Variants in TMEM132D observed in about 807,000 individuals in gnomAD.
TMEM132D encodes the protein mature OL transmembrane protein.
Under a neutral mutation model 62.3 loss-of-function variants are expected in TMEM132D, and 21 were observed. That is an observed-to-expected ratio of 0.34 (90% CI 0.24 to 0.49). The LOEUF (loss-of-function observed/expected upper bound fraction) is 0.49. Among genes scored for constraint, TMEM132D ranks in the 20% least tolerant of loss-of-function variants. The probability of loss-of-function intolerance (pLI) is 0.99; values close to 1 mark genes in which losing one functional copy is unlikely to be tolerated. For missense variants in TMEM132D, 1,346 were observed against 1,402.8 expected (o/e 0.96, Z 0.65); for synonymous variants, 621 against 575.6 (o/e 1.08, Z -1.13).
intron 3 of TMEM132D, among the ~76,000 whole-genome samples, chr12:129,504,573 C>A (rs369833982): frequency 2.0e-5 from 3 of 152,112 alleles, no homozygotes; most frequent in East Asian, 1.9e-4. Flanking sequence ...GTTGTAATAT[C>A]CTCTGTTTCA....
At chr12:129,451,913 T>C (rs898004100) in intron 3 of TMEM132D, among the ~76,000 whole-genome samples, 3 of 152,142 alleles carry the variant, frequency 2.0e-5, no homozygotes, top group Admixed American at 2.0e-4. Context: ...CCTGGGAGCA[T>C]TGCTACCTCT....
chr12:129,675,337 G>A (rs1397472797), intron 2 of TMEM132D, among the ~76,000 whole-genome samples: 4 of 148,826 alleles, frequency 2.7e-5, no homozygotes, highest in Non-Finnish European at 5.9e-5. Flanking sequence ...AACACATGGA[G>A]ACAGATTGGG....
chr12:129,584,930 T>G lies in TMEM132D; in HGVS notation c.969-53725A>C, dbSNP rs755739900. On this transcript the variant is annotated intron_variant, in intron 2 of 8. Coordinates refer to ENST00000422113, the MANE Select transcript of TMEM132D (RefSeq NM_133448.3). ...TGGGGACAGAGCCAGCATGGGGTGTTGCATGTGGAGTCTGCTTTAAATCTG... is the reference window on the plus strand; with the variant it reads ...TGGGGACAGAGCCAGCATGGGGTGTGGCATGTGGAGTCTGCTTTAAATCTG... Among the ~76,000 whole-genome samples, 21 of 152,306 alleles carry G rather than the reference T, an allele frequency of 1.4e-4. No homozygotes were observed. In the Middle Eastern group the frequency reaches 0.01, roughly 74 times the overall value.
At chr12:129,890,796 T>C (rs530888763) in intron 1 of TMEM132D, among the ~76,000 whole-genome samples, 3 of 152,214 alleles carry the variant, frequency 2.0e-5, no homozygotes, top group Non-Finnish European at 4.4e-5. Flanking sequence ...GAGTGTATCA[T>C]ATTACGTTTA....
chr12:129,178,762 C>T (rs1239011648), intron 5 of TMEM132D, among the ~76,000 whole-genome samples: 1 of 152,108 alleles, frequency 6.6e-6, no homozygotes, highest in Non-Finnish European at 1.5e-5. Flanking sequence ...TCCTCCATGC[C>T]TATGTATACA....
At chr12:129,545,920 G>T (rs534869612) in intron 2 of TMEM132D, among the ~76,000 whole-genome samples, 1 of 152,284 alleles carries the variant, frequency 6.6e-6, no homozygotes, top group Admixed American at 6.5e-5. Context: ...CCAGGAATAT[G>T]AGGAGGAACA....
chr12:129,463,713 G>C (rs1873770099), intron 3 of TMEM132D, among the ~76,000 whole-genome samples: 1 of 151,636 alleles, frequency 6.6e-6, no homozygotes, highest in African/African-American at 2.4e-5. Context: ...CTATGAGTGA[G>C]AACATGCGGT....
chr12:129,485,999 C>G (rs1874567797), intron 3 of TMEM132D, among the ~76,000 whole-genome samples: 1 of 152,246 alleles, frequency 6.6e-6, no homozygotes, highest in African/African-American at 2.4e-5. Flanking sequence ...TGATGTCCAA[C>G]AGCGAGAGCT....
chr12:129,636,640 G>C (rs1167004119), intron 2 of TMEM132D, among the ~76,000 whole-genome samples: 1 of 150,766 alleles, frequency 6.6e-6, no homozygotes, highest in African/African-American at 2.4e-5. Flanking sequence ...CTAAATTCCT[G>C]TGATTTGGTT....
intron 2 of TMEM132D, among the ~76,000 whole-genome samples, chr12:129,588,630 A>G (rs1392579434): frequency 3.3e-5 from 5 of 151,802 alleles, no homozygotes; most frequent in Admixed American, 2.0e-4. Context: ...GCTGGAGTGC[A>G]GTGGCGCCAT....
At chr12:129,527,283 T>C (rs150233456) in intron 3 of TMEM132D, among the ~76,000 whole-genome samples, 3,065 of 152,302 alleles carry the variant, frequency 0.02, 124 homozygotes, top group African/African-American at 0.07. Context: ...CACTCCGGCT[T>C]GGGCAACAGT....
intron 4 of TMEM132D, among the ~76,000 whole-genome samples, chr12:129,241,150 C>CAAAAAAAAAAAAAA (rs35152074): frequency 1.0e-5 from 1 of 95,646 alleles, no homozygotes; most frequent in Non-Finnish European, 2.2e-5. Flanking sequence ...CCTCTTACCT[C>CAAAAAAAAAAAAAA]AAAAAAAAAA....
intron 1 of TMEM132D, among the ~76,000 whole-genome samples, chr12:129,875,338 C>T (rs756842598): frequency 2.5e-4 from 38 of 152,226 alleles, no homozygotes; most frequent in Non-Finnish European, 5.0e-4. Context: ...TTCAGGCTGC[C>T]TTAACAAACC....
intron 5 of TMEM132D, among the ~76,000 whole-genome samples, chr12:129,189,160 A>T (rs1375449021): frequency 6.6e-6 from 1 of 152,092 alleles, no homozygotes; most frequent in Non-Finnish European, 1.5e-5. Flanking sequence ...AGTCCCTGAG[A>T]GGTGATTTTC....
At chr12:129,180,989 G>A (rs909925798) in intron 5 of TMEM132D, among the ~76,000 whole-genome samples, 1 of 152,124 alleles carries the variant, frequency 6.6e-6, no homozygotes, top group Non-Finnish European at 1.5e-5. Flanking sequence ...TGGAGGTTAT[G>A]GGGCCAGGAG....
Position 129,485,847 on chromosome 12 carries a change from T to C in TMEM132D, c.1115+45212A>G, listed in dbSNP as rs1244115407. Among the ~76,000 whole-genome samples the C allele has an allele frequency of 8.8e-5, 8 of 90,516 alleles. No homozygotes were observed. In the East Asian group the frequency reaches 2.4e-3, roughly 27 times the overall value. 59.4% of individuals were successfully genotyped at this position (90,516 alleles called of 152,430 possible). On this transcript the variant is annotated intron_variant, in intron 3 of 8. Coordinates refer to ENST00000422113, the MANE Select transcript of TMEM132D (RefSeq NM_133448.3). ...GGTAGTTAGGAAGGTATATTTGTCA[T>C]GGTGGGAGAACAGAACATCATTTAT... is the stretch of plus-strand genomic sequence containing the variant.
chr12:129,093,561 C>T (rs1441938249), intron 5 of TMEM132D, among the ~76,000 whole-genome samples: 2 of 152,182 alleles, frequency 1.3e-5, no homozygotes, highest in Admixed American at 1.3e-4. Context: ...AAGAACATCC[C>T]ATGCTCATGG....
At chr12:129,103,519 T>C (rs1158735297) in intron 5 of TMEM132D, among the ~76,000 whole-genome samples, 1 of 152,202 alleles carries the variant, frequency 6.6e-6, no homozygotes, top group Non-Finnish European at 1.5e-5. Flanking sequence ...GTTGGGATAA[T>C]TCCAACCTAC....
intron 1 of TMEM132D, among the ~76,000 whole-genome samples, chr12:129,877,208 T>A (rs940251829): frequency 1.0e-4 from 10 of 95,968 alleles, no homozygotes; most frequent in African/African-American, 3.2e-4. Flanking sequence ...AATACTATAT[T>A]AAAACTATTA....
Sources: gnomAD v4.1 joint callset for allele counts (sites outside exome capture counted in the v4.1 genomes callset) on GRCh38, gnomAD v4.1.1 for gene constraint, MANE v1.5 for transcripts, NCBI Gene and HGNC (gene_info 2026-07-23, HGNC 2026-07-21) for gene names.